Variants in RIPOR3 observed in about 807,000 individuals in gnomAD.
RIPOR3 encodes family with sequence similarity 65 member C.
In RIPOR3, 95 loss-of-function variants were observed where a neutral mutation model predicts 114.3. That is an observed-to-expected ratio of 0.83 (90% CI 0.70 to 0.99). RIPOR3 has a LOEUF of 0.99. RIPOR3 is among the 50% of genes least tolerant of loss of function. The pLI, the probability that RIPOR3 is intolerant of heterozygous loss-of-function variation, is 0.00. For synonymous variants in RIPOR3, 575 were observed against 543.8 expected (o/e 1.06, Z -0.80); for missense variants, 1,252 against 1,266.9 (o/e 0.99, Z 0.18).
intron 2 of RIPOR3, among the ~76,000 whole-genome samples, chr20:50,622,868 G>A (rs755724024): frequency 6.6e-6 from 1 of 152,180 alleles, no homozygotes; most frequent in Non-Finnish European, 1.5e-5. Flanking sequence ...TCTATTAGAT[G>A]CCAGGCCCAA....
Position 50,609,345 on chromosome 20 carries a change from G to A in RIPOR3, c.588C>T (p.Leu196=), listed in dbSNP as rs758473259. 17 of 1,613,838 alleles carry A rather than the reference G, an allele frequency of 1.1e-5. No homozygotes were observed. The highest frequency in any genetic ancestry group is 3.4e-6 in the Non-Finnish European group (4 of 1,179,814). The change falls in exon 8 of 22, where the codon CTC becomes CTT. Residue 196 remains leucine, a synonymous_variant. Transcript: ENST00000327979. The part of the protein sequence containing the change: ...SLHECAEDMW[L]IEGALEVHLG... ...GGTGAACCTCCAGGGCCCCCTCGAT[G>A]AGCCACATGTCCTGCAAAGCCCCGG...
At chr20:50,667,156 C>T (rs940828636) in intron 1 of RIPOR3, among the ~76,000 whole-genome samples, 1 of 152,028 alleles carries the variant, frequency 6.6e-6, no homozygotes, top group East Asian at 1.9e-4. Context: ...AACCATCAGC[C>T]GGCAAAGTTA....
intron 1 of RIPOR3, chr20:50,636,465 G>A (rs530891570): frequency 2.8e-5 from 21 of 760,062 alleles, no homozygotes; most frequent in South Asian, 5.9e-5. Flanking sequence ...AGGAATGCTC[G>A]GGTGGCTTAG....
At chr20:50,684,884 TCCTA>T (rs1600778109) in intron 1 of RIPOR3, among the ~76,000 whole-genome samples, 2 of 152,182 alleles carry the variant, frequency 1.3e-5, no homozygotes, top group East Asian at 3.8e-4. Flanking sequence ...CAAGTGAGCC[TCCTA>T]CCTCAGTTTC....
intron 1 of RIPOR3, among the ~76,000 whole-genome samples, chr20:50,676,995 C>G (rs1426248134): frequency 6.6e-6 from 1 of 152,182 alleles, no homozygotes; most frequent in Non-Finnish European, 1.5e-5. Flanking sequence ...AGGATGCTCA[C>G]AACTATCAAC....
At chr20:50,588,774 AAAAC>A (rs1342690292) in intron 20 of RIPOR3, among the ~76,000 whole-genome samples, 2 of 150,926 alleles carry the variant, frequency 1.3e-5, no homozygotes, top group Non-Finnish European at 3.0e-5. Context: ...AAAAAGAAAA[AAAAC>A]ACCACAAATA....
chr20:50,685,161 T>A (rs17790636), intron 1 of RIPOR3, among the ~76,000 whole-genome samples: 8,954 of 151,872 alleles, frequency 0.059, 335 homozygotes, highest in South Asian at 0.12. Flanking sequence ...GAGACCTGGT[T>A]ATAAAGTAGA....
intron 1 of RIPOR3, chr20:50,661,913 T>C (rs934283548): frequency 6.6e-6 from 1 of 152,384 alleles, no homozygotes; most frequent in Non-Finnish European, 1.5e-5. Flanking sequence ...GATTTGAACA[T>C]GGGGCTGATG....
intron 1 of RIPOR3, among the ~76,000 whole-genome samples, chr20:50,646,359 T>A (rs1197005196): frequency 6.6e-6 from 1 of 152,120 alleles, no homozygotes; most frequent in Non-Finnish European, 1.5e-5. Flanking sequence ...CTCAAACTCC[T>A]GAGCTCAAGC....
At chr20:50,600,662 A>AG (rs1007362339) in intron 13 of RIPOR3, among the ~76,000 whole-genome samples, 1 of 151,770 alleles carries the variant, frequency 6.6e-6, no homozygotes, top group African/African-American at 2.4e-5. Flanking sequence ...CAGGAGGCTG[A>AG]GGGGGGAGGA....
At chr20:50,597,288 T>C in intron 14 of RIPOR3, 1 of 374,640 alleles carries the variant, frequency 2.7e-6, no homozygotes, top group East Asian at 5.3e-5. Context: ...TACTATATAC[T>C]TGGTGATTAT....
intron 1 of RIPOR3, among the ~76,000 whole-genome samples, chr20:50,656,217 A>G (rs2123431333): frequency 6.6e-6 from 1 of 151,834 alleles, no homozygotes; most frequent in South Asian, 2.1e-4. Context: ...CATGTTGGCC[A>G]GGCTGTCCTT....
intron 2 of RIPOR3, among the ~76,000 whole-genome samples, chr20:50,626,557 C>T (rs933414706): frequency 6.6e-6 from 1 of 152,186 alleles, no homozygotes; most frequent in Admixed American, 6.5e-5. Flanking sequence ...ACCGTGGGGG[C>T]ACTCTCTGGG....
At chr20:50,640,502 T>C (rs179635) in intron 1 of RIPOR3, among the ~76,000 whole-genome samples, 26,147 of 130,006 alleles carry the variant, frequency 0.2, 2,670 homozygotes, top group African/African-American at 0.36. Flanking sequence ...TGGTCAGGCT[T>C]AGCTCCATGC....
intron 1 of RIPOR3, among the ~76,000 whole-genome samples, chr20:50,643,247 A>T (rs34378726): frequency 4.7e-5 from 7 of 150,212 alleles, no homozygotes. Flanking sequence ...TCAGCCTCCC[A>T]AGTAGCTAGG....
intron 1 of RIPOR3, among the ~76,000 whole-genome samples, chr20:50,633,075 G>T (rs1315153152): frequency 6.6e-6 from 1 of 152,172 alleles, no homozygotes; most frequent in Non-Finnish European, 1.5e-5. Flanking sequence ...ACCAGCCTGG[G>T]CTACATGGTG....
chr20:50,589,172 A>G (rs940877819), intron 20 of RIPOR3, among the ~76,000 whole-genome samples: 19 of 151,388 alleles, frequency 1.3e-4, no homozygotes, highest in African/African-American at 4.4e-4. Context: ...TTTTTAAACT[A>G]TGTTTGGATC....
chr20:50,673,011 C>T (rs1484165183), intron 1 of RIPOR3, among the ~76,000 whole-genome samples: 2 of 152,206 alleles, frequency 1.3e-5, no homozygotes, highest in African/African-American at 4.8e-5. Flanking sequence ...TGGCAACCAA[C>T]CCCAGCATTG....
rs776106710 is a variant in RIPOR3, at chr20:50,608,553, G to A, written c.811-19C>T. 1.2e-6 allele frequency: 2 copies of A among 1,613,728 alleles called. No individual in the cohort carries two copies. The highest frequency in any genetic ancestry group is 2.2e-5 in the East Asian group (1 of 44,884). On this transcript the variant is annotated intron_variant, in intron 10 of 21. Coordinates refer to ENST00000327979, the MANE Select transcript of RIPOR3 (RefSeq NM_001290268.2). ...CCGTCACCTGGGGGTGGGGGCTGGA[G>A]GGTGGTGTCTGAGCCGAACACCCAG... is the stretch of plus-strand genomic sequence containing the variant.
Sources: gnomAD v4.1 joint callset for allele counts (sites outside exome capture counted in the v4.1 genomes callset) on GRCh38, gnomAD v4.1.1 for gene constraint, MANE v1.5 for transcripts, NCBI Gene and HGNC (gene_info 2026-07-23, HGNC 2026-07-21) for gene names.